Variants in ST6GALNAC3 observed in about 807,000 individuals in gnomAD.
ST6GALNAC3 encodes ST6 N-acetylgalactosaminide alpha-2,6-sialyltransferase 3.
A neutral mutation model predicts 32.7 loss-of-function variants in ST6GALNAC3; 25 were observed. The observed-to-expected ratio is 0.76, with a 90% confidence interval of 0.56 to 1.07. The LOEUF is 1.07. Among genes scored for constraint, ST6GALNAC3 ranks in the 50% least tolerant of loss-of-function variants. The pLI is 0.00. For missense variants in ST6GALNAC3, 355 were observed against 382.4 expected, an observed-to-expected ratio of 0.93 and a Z score of 0.60; for synonymous variants, 129 against 133.1, an observed-to-expected ratio of 0.97 and a Z score of 0.21.
chr1:76,479,435 G>T (rs1489115006), intron 3 of ST6GALNAC3, among the ~76,000 whole-genome samples: 1 of 152,160 alleles, frequency 6.6e-6, no homozygotes, highest in Non-Finnish European at 1.5e-5. Context: ...CAGGCTGCGT[G>T]ACTTATGATG....
chr1:76,545,978 G>A (rs952571562), intron 3 of ST6GALNAC3, among the ~76,000 whole-genome samples: 2 of 152,080 alleles, frequency 1.3e-5, no homozygotes, highest in African/African-American at 2.4e-5. Context: ...TTTTACAGAT[G>A]AAAAAACTGA....
chr1:76,610,331 G>T (rs1647839660), intron 3 of ST6GALNAC3, among the ~76,000 whole-genome samples: 1 of 152,110 alleles, frequency 6.6e-6, no homozygotes, highest in Non-Finnish European at 1.5e-5. Context: ...AAACATGATT[G>T]CTCTTTGCCC....
chr1:76,142,804 C>T (rs1339061298), intron 1 of ST6GALNAC3: 1 of 450,478 alleles, frequency 2.2e-6, no homozygotes, highest in Non-Finnish European at 4.4e-6. Flanking sequence ...GGCCCCGCTT[C>T]CTTGTCTTGA....
chr1:76,142,975 C>T (rs1292393216), intron 1 of ST6GALNAC3: 2 of 408,586 alleles, frequency 4.9e-6, no homozygotes, highest in Non-Finnish European at 9.7e-6. Context: ...AGTGTTGGCC[C>T]ACAGCCAGAA....
intron 2 of ST6GALNAC3, among the ~76,000 whole-genome samples, chr1:76,398,132 T>G (rs963788761): frequency 2.0e-5 from 3 of 150,470 alleles, no homozygotes; most frequent in African/African-American, 7.3e-5. Context: ...CAAACCATTA[T>G]TCCACGAGAT....
chr1:76,256,334 G>A lies in ST6GALNAC3; in HGVS notation c.19-57471G>A, dbSNP rs181181182. Among the ~76,000 whole-genome samples the A allele has an allele frequency of 5.3e-5, 8 of 152,148 alleles. No individual in the cohort carries two copies. In the East Asian group the frequency reaches 1.5e-3, roughly 29 times the overall value. On this transcript the variant is annotated intron_variant, in intron 1 of 4. Coordinates refer to ENST00000328299, the MANE Select transcript of ST6GALNAC3 (RefSeq NM_152996.4). ...TTTCAACATTGCTTATATAAGAGAA[G>A]GCAAGGTATTTAGAATTTTTCTTGA...
At chr1:76,223,142 A>G (rs1416806656) in intron 1 of ST6GALNAC3, among the ~76,000 whole-genome samples, 1 of 152,168 alleles carries the variant, frequency 6.6e-6, no homozygotes, top group African/African-American at 2.4e-5. Flanking sequence ...GGATCCACCT[A>G]AATGCCCATT....
intron 2 of ST6GALNAC3, among the ~76,000 whole-genome samples, chr1:76,375,195 T>C (rs1651125745): frequency 6.6e-6 from 1 of 152,188 alleles, no homozygotes; most frequent in Admixed American, 6.5e-5. Flanking sequence ...GCAAGGCGTA[T>C]TAGAATACCT....
chr1:76,143,426 C>T (rs970646), intron 1 of ST6GALNAC3, among the ~76,000 whole-genome samples: 22,481 of 76,796 alleles, frequency 0.29, 1,929 homozygotes, highest in Middle Eastern at 0.38. Context: ...TGTGTGTGTC[C>T]GTCTGTGTGT....
intron 1 of ST6GALNAC3, among the ~76,000 whole-genome samples, chr1:76,164,826 G>GA (rs1225672956): frequency 3.3e-5 from 5 of 151,566 alleles, no homozygotes; most frequent in African/African-American, 9.7e-5. Context: ...GAGCCAGAAT[G>GA]AAAAAAAATA....
chr1:76,492,231 T>C (rs556168494), intron 3 of ST6GALNAC3, among the ~76,000 whole-genome samples: 7 of 152,300 alleles, frequency 4.6e-5, no homozygotes, highest in Non-Finnish European at 7.3e-5. Context: ...AGTAACCTTA[T>C]TGGTGTTGCA....
intron 3 of ST6GALNAC3, among the ~76,000 whole-genome samples, chr1:76,442,005 C>T (rs967653502): frequency 1.3e-5 from 2 of 152,138 alleles, no homozygotes; most frequent in African/African-American, 2.4e-5. Context: ...TTATGTTCAT[C>T]CACTGTAATA....
intron 2 of ST6GALNAC3, among the ~76,000 whole-genome samples, chr1:76,374,994 C>A (rs1263183010): frequency 6.6e-6 from 1 of 152,010 alleles, no homozygotes. Context: ...TGAGCTATAC[C>A]TGCTGTTCTG....
chr1:76,133,924 G>T (rs1444048498), intron 1 of ST6GALNAC3, among the ~76,000 whole-genome samples: 2 of 152,164 alleles, frequency 1.3e-5, no homozygotes, highest in African/African-American at 4.8e-5. Flanking sequence ...CAGGGTGATA[G>T]CCTGCATGCA....
At chr1:76,429,982 C>G (rs1655645095) in intron 3 of ST6GALNAC3, among the ~76,000 whole-genome samples, 1 of 152,196 alleles carries the variant, frequency 6.6e-6, no homozygotes, top group East Asian at 1.9e-4. Context: ...CGTCTTGTCT[C>G]CATCTCTGCT....
Position 76,628,755 on chromosome 1 carries a change from G to T in ST6GALNAC3, c.867G>T (p.Trp289Cys). ...CTGAAAAGAAAGTGTTTGCTAAATGGGCCAAGAAGCACAGGATAATATTTA... is the reference window on the plus strand; with the variant it reads ...CTGAAAAGAAAGTGTTTGCTAAATGTGCCAAGAAGCACAGGATAATATTTA... ...FITEKKVFAK[W>C]AKKHRIIFTH... Residue 289 changes from tryptophan to cysteine, a missense_variant, in exon 5 of 5, where the codon TGG becomes TGT. Trp to Cys is a radical substitution (Grantham distance 215, BLOSUM62 -2). Coordinates refer to ENST00000328299, the MANE Select transcript of ST6GALNAC3 (RefSeq NM_152996.4). 6.2e-7 allele frequency: 1 copy of T among 1,612,110 alleles called. No individual in the cohort carries two copies. Among genetic ancestry groups the T allele is most frequent in the Non-Finnish European group, 8.5e-7 (1 of 1,178,904 alleles).
intron 1 of ST6GALNAC3, among the ~76,000 whole-genome samples, chr1:76,111,037 C>T (rs866646728): frequency 6.6e-6 from 1 of 152,158 alleles, no homozygotes; most frequent in Non-Finnish European, 1.5e-5. Flanking sequence ...AGACTGGATG[C>T]TGTGTGTCCT....
intron 1 of ST6GALNAC3, among the ~76,000 whole-genome samples, chr1:76,199,596 G>GTATT (rs1327792072): frequency 6.6e-6 from 1 of 152,148 alleles, no homozygotes; most frequent in East Asian, 1.9e-4. Flanking sequence ...AGGTAGTAAT[G>GTATT]TATTATTTAC....
At chr1:76,144,534 T>G (rs1262510618) in intron 1 of ST6GALNAC3, among the ~76,000 whole-genome samples, 2 of 152,230 alleles carry the variant, frequency 1.3e-5, no homozygotes, top group Non-Finnish European at 2.9e-5. Context: ...GAACAGCCAC[T>G]GCTTTGAGAG....
Sources: gnomAD v4.1 joint callset for allele counts (sites outside exome capture counted in the v4.1 genomes callset) on GRCh38, gnomAD v4.1.1 for gene constraint, MANE v1.5 for transcripts, NCBI Gene and HGNC (gene_info 2026-07-23, HGNC 2026-07-21) for gene names.